Variants in RBM45 observed in about 807,000 individuals in gnomAD.
RBM45 encodes RNA-binding protein 45.
Under a neutral mutation model 58.5 loss-of-function variants are expected in RBM45, and 39 were observed. That is an observed-to-expected ratio of 0.67 (90% confidence interval 0.52 to 0.87). RBM45 has a LOEUF of 0.87. Ranked by LOEUF, RBM45 falls within the 40% of genes least tolerant of loss-of-function variation. RBM45 has a pLI of 0.00. For missense variants in RBM45, 481 were observed against 581.6 expected, an observed-to-expected ratio of 0.83 and a Z score of 1.78; for synonymous variants, 193 against 203.0, an observed-to-expected ratio of 0.95 and a Z score of 0.42.
rs537543711 is a variant in RBM45, at chr2:178,118,971, T to G, written c.550+790T>G. Among the ~76,000 whole-genome samples the G allele has an allele frequency of 9.8e-4, 149 of 152,316 alleles. 1 individual carries two copies. In the Middle Eastern group the frequency reaches 0.01, roughly 10 times the overall value. ...GCAGTATACTGATCAATATGCTAAG[T>G]AGAGGGATACAGATGAAGTATATGG... On this transcript the variant is annotated intron_variant, in intron 3 of 9. Coordinates refer to ENST00000286070, the MANE Select transcript of RBM45 (RefSeq NM_152945.4).
chr2:178,116,386 T>C lies in RBM45; in HGVS notation c.423+2T>C, dbSNP rs1362527817. 2 of 1,602,102 alleles carry C rather than the reference T, an allele frequency of 1.2e-6. No individual in the cohort carries two copies. The highest frequency in any genetic ancestry group is 3.5e-5 in the Admixed American group (2 of 56,490). ...GAAGATCTGCGGGAAAAATTTAAGG[T>C]ATTTATTCTAATCAGCTAGCATATG... On this transcript the variant is annotated splice_donor_variant, in intron 2 of 9. Coordinates refer to ENST00000286070, the MANE Select transcript of RBM45 (RefSeq NM_152945.4). LOFTEE classifies it high-confidence loss of function.
rs1346048847 is a variant in RBM45 at position 178,112,580 on chromosome 2, G to A, written c.34G>A (p.Gly12Ser). 1.7e-5 allele frequency: 27 copies of A among 1,598,434 alleles called. No homozygotes were observed. The highest frequency in any genetic ancestry group is 2.7e-5 in the African/African-American group (2 of 75,026). ...DEAGSSASGGGFRPGVDSLDE... is the reference protein window; with the variant it reads ...DEAGSSASGGSFRPGVDSLDE... ...AGCTGGCAGCTCTGCGAGCGGCGGG[G>A]GCTTCCGCCCGGGCGTGGACAGCCT... Residue 12 changes from glycine to serine, a missense_variant, in exon 1 of 10, where the codon GGC (glycine) becomes AGC (serine). Coordinates refer to ENST00000286070, the MANE Select transcript of RBM45 (RefSeq NM_152945.4).
rs751549526 is a variant in RBM45, at chr2:178,124,177, T to G, written c.1119T>G (p.Val373=). The G allele has an allele frequency of 1.9e-6, 3 of 1,610,768 alleles. No homozygotes were observed. The highest frequency in any genetic ancestry group is 2.2e-5 in the East Asian group (1 of 44,826). The change falls in exon 8 of 10, where the codon GTT becomes GTG. Residue 373 remains valine, a synonymous_variant. Coordinates refer to ENST00000286070, the MANE Select transcript of RBM45 (RefSeq NM_152945.4). The part of the protein sequence containing the change: ...GSQLPQIQTD[V]VLPSCKKKAP... ...AGTTGCCTCAAATCCAGACAGATGTTGTACTTCCATCATGCAAAAAAAAAG... is the reference window on the plus strand; with the variant it reads ...AGTTGCCTCAAATCCAGACAGATGTGGTACTTCCATCATGCAAAAAAAAAG...
chr2:178,117,951 CTTTG>C (rs2087799649), intron 2 of RBM45, 100 bp from the exon 3 acceptor site: 1 of 843,290 alleles, frequency 1.2e-6, no homozygotes, highest in South Asian at 3.3e-5. Flanking sequence ...CTGCCTATTT[CTTTG>C]TTTGCATGCA....
chr2:178,116,277 TC>T lies in RBM45; in HGVS notation c.319del (p.Arg107AspfsTer20). 1 of 1,607,098 alleles carries T rather than the reference TC, an allele frequency of 6.2e-7. No individual in the cohort carries two copies. The highest frequency in any genetic ancestry group is 8.5e-7 in the Non-Finnish European group (1 of 1,177,396). On this transcript the variant is annotated frameshift_variant, in exon 2 of 10. Transcript: ENST00000286070. LOFTEE classifies it high-confidence loss of function. ...TKPIKVFIAQ[S>X]RSSGSHRDVE... ...TGTTTCTTAGGTTTTCATTGCTCAG[TC>T]CCGATCATCTGGAAGTCACCGAGAT... is the stretch of plus-strand genomic sequence containing the variant.
At chr2:178,113,848 T>G (rs1294369337) in intron 1 of RBM45, among the ~76,000 whole-genome samples, 1 of 152,198 alleles carries the variant, frequency 6.6e-6, no homozygotes, top group African/African-American at 2.4e-5. Flanking sequence ...ATTTTCTCAA[T>G]TTTTTAAAAA....
intron 9 of RBM45, 135 bp downstream of exon 9, chr2:178,126,319 C>A (rs866153271): frequency 6.5e-6 from 3 of 463,070 alleles, no homozygotes; most frequent in African/African-American, 4.0e-5. Flanking sequence ...ACTATTTAAA[C>A]TTTAAAAATT....
At chr2:178,127,234 G>A (rs1055893734) in intron 9 of RBM45, among the ~76,000 whole-genome samples, 7 of 152,132 alleles carry the variant, frequency 4.6e-5, no homozygotes, top group African/African-American at 1.4e-4. Context: ...AAAGTTTGGC[G>A]GTTTTTATTC....
chr2:178,120,125 A>G (rs1219162844), intron 3 of RBM45, among the ~76,000 whole-genome samples, 162 bp from the exon 4 acceptor site: 7 of 152,228 alleles, frequency 4.6e-5, no homozygotes, highest in African/African-American at 1.7e-4. Context: ...ACTCTTTGCC[A>G]TCTTCCAGAA....
intron 5 of RBM45, 42 bp downstream of exon 5, chr2:178,121,401 T>TAC (rs1367782273): frequency 7.9e-5 from 47 of 595,048 alleles, no homozygotes; most frequent in African/African-American, 6.3e-4. Context: ...TATATGTATA[T>TAC]ATACACACAC....
At chr2:178,119,370 C>T (rs2087819076) in intron 3 of RBM45, among the ~76,000 whole-genome samples, 1 of 152,188 alleles carries the variant, frequency 6.6e-6, no homozygotes, top group African/African-American at 2.4e-5. Flanking sequence ...GCAGTGCTAG[C>T]AGAGGCACAA....
At chr2:178,123,982 G>A (rs2105906639) in intron 7 of RBM45, 70 bp downstream of exon 7, 1 of 1,520,906 alleles carries the variant, frequency 6.6e-7, no homozygotes. Flanking sequence ...GAGAAATCAT[G>A]CTTTGTTGAT....
chr2:178,123,357 G>A (rs1029924609), intron 5 of RBM45, among the ~76,000 whole-genome samples, 165 bp from the exon 6 acceptor site: 1 of 152,066 alleles, frequency 6.6e-6, no homozygotes, highest in African/African-American at 2.4e-5. Flanking sequence ...TACACCTGTT[G>A]CACACATGAT....
intron 4 of RBM45, 54 bp from the exon 5 acceptor site, chr2:178,121,126 G>A (rs977272007): frequency 3.0e-5 from 26 of 864,654 alleles, no homozygotes; most frequent in Admixed American, 5.1e-5. Flanking sequence ...AATGTTAAGC[G>A]AATTGTTGGC....
In RBM45 at chr2:178,126,952, T is replaced by G. The variant is rs918501186; in HGVS notation, c.*8+768T>G. ...ATTCCTTAAAGTTTGACTTTTTTTT[T>G]CCCCCGAGACGTCTCGGTCTGTCAC... On this transcript the variant is annotated intron_variant, in intron 9 of 9. Transcript: ENST00000286070. Among the ~76,000 whole-genome samples the G allele has an allele frequency of 1.3e-5, 2 of 152,022 alleles. 1 individual carries two copies. The highest frequency in any genetic ancestry group is 4.8e-5 in the African/African-American group (2 of 41,382).
Position 178,121,358 on chromosome 2 carries a change from T to C in RBM45, c.852T>C (p.Tyr284=). The C allele has an allele frequency of 1.3e-6, 2 of 1,525,940 alleles. No homozygotes were observed. The highest frequency in any genetic ancestry group is 2.3e-5 in the East Asian group (1 of 43,408). The allele number at this position is 1,525,940 out of a possible 1,614,324, so 94.5% of individuals were successfully genotyped here. ...TTCAACGAGATCCTTATTCAAATTA[T>C]GGTAAAATAATGTTCACATTAAAAA... ...CEVQRDPYSN[Y]GHGVVQYFNV... The change falls in exon 5 of 10, where the codon TAT becomes TAC. Residue 284 remains tyrosine, a splice_region_variant and synonymous_variant. Transcript: ENST00000286070.
At chr2:178,116,067 A>G (rs912552154) in intron 1 of RBM45, among the ~76,000 whole-genome samples, 195 bp from the exon 2 acceptor site, 1 of 151,752 alleles carries the variant, frequency 6.6e-6, no homozygotes, top group Admixed American at 6.6e-5. Context: ...TGGGAGGATC[A>G]CTTGAGCCTA....
chr2:178,132,579 T>C (rs2088013744), downstream of RBM45, among the ~76,000 whole-genome samples: 1 of 149,728 alleles, frequency 6.7e-6, no homozygotes, highest in Admixed American at 6.7e-5. Context: ...CTGCGGTTCT[T>C]TTTTGTTTGT....
At chr2:178,129,801 G>C (rs1009200867), downstream of RBM45, 1 of 152,452 alleles carries the variant, frequency 6.6e-6, no homozygotes, top group African/African-American at 2.4e-5. Context: ...CTCAATATCA[G>C]TTGTATGGCA....
Sources: allele counts gnomAD v4.1 joint callset (sites outside exome capture counted in the v4.1 genomes callset), GRCh38; gene constraint gnomAD v4.1.1; transcripts MANE v1.5; gene names NCBI Gene and HGNC (gene_info 2026-07-23, HGNC 2026-07-21).